HTR3B: variants seen among roughly 807,000 people sequenced by gnomAD.
The protein encoded by HTR3B is 5-hydroxytryptamine receptor 3B.
A neutral mutation model predicts 42.8 loss-of-function variants in HTR3B; 44 were observed. That is an observed-to-expected ratio of 1.03 (90% CI 0.81 to 1.32). The LOEUF is 1.32. HTR3B is among the 40% of genes most tolerant of loss of function. The pLI is 0.00. For missense variants in HTR3B, 527 were observed against 536.5 expected (o/e 0.98, Z 0.17); for synonymous variants, 203 against 209.0 (o/e 0.97, Z 0.25).
intron 3 of HTR3B, 71 bp from the exon 4 acceptor site, chr11:113,931,687 C>A: frequency 1.1e-6 from 1 of 904,784 alleles, no homozygotes; most frequent in Non-Finnish European, 1.8e-6. Context: ...AATCCAAATG[C>A]CTCTTTAGTT....
intron 6 of HTR3B, among the ~76,000 whole-genome samples, chr11:113,938,738 C>T (rs1950110280): frequency 6.6e-6 from 1 of 152,144 alleles, no homozygotes. Flanking sequence ...TTAGTCTAGG[C>T]CTGGCACTGT....
upstream of HTR3B, chr11:113,904,615 G>A: frequency 3.6e-6 from 1 of 275,454 alleles, no homozygotes; most frequent in Non-Finnish European, 6.9e-6. Context: ...CTCCTTAGGG[G>A]CTCCTCTTAG....
At chr11:113,905,099 C>A in intron 1 of HTR3B, 114 bp downstream of exon 1, 1 of 729,712 alleles carries the variant, frequency 1.4e-6, no homozygotes, top group Non-Finnish European at 2.3e-6. Flanking sequence ...TTTTATTCAT[C>A]GTCTGTAAAA....
At chr11:113,918,906 C>T (rs1264201390) in intron 2 of HTR3B, among the ~76,000 whole-genome samples, 4 of 152,092 alleles carry the variant, frequency 2.6e-5, no homozygotes, top group Non-Finnish European at 5.9e-5. Context: ...ATCTGCCTGT[C>T]TTGGCCTCCG....
At chr11:113,938,210 A>G (rs1186555314) in intron 6 of HTR3B, among the ~76,000 whole-genome samples, 1 of 152,190 alleles carries the variant, frequency 6.6e-6, no homozygotes, top group Non-Finnish European at 1.5e-5. Context: ...TCCAGGAAAT[A>G]CATGAATTCT....
At chr11:113,914,863 A>C (rs975445226) in intron 2 of HTR3B, among the ~76,000 whole-genome samples, 1 of 152,170 alleles carries the variant, frequency 6.6e-6, no homozygotes, top group African/African-American at 2.4e-5. Context: ...TTTACCAGTA[A>C]AACTATAGGG....
intron 2 of HTR3B, among the ~76,000 whole-genome samples, chr11:113,928,929 G>A (rs1486314343): frequency 6.6e-6 from 1 of 152,138 alleles, no homozygotes; most frequent in South Asian, 2.1e-4. Context: ...TGGACACTTG[G>A]GTTGATTCTA....
rs1949748978 is a variant in HTR3B at position 113,908,254 on chromosome 11, A to G, written c.53-1041A>G. ...CTGTAGCGGCAAGTGACATGACATC[A>G]TTCATAAAGAAATGGGTATAAACAG... On this transcript the variant is annotated intron_variant, in intron 1 of 8. Coordinates refer to ENST00000260191, the MANE Select transcript of HTR3B (RefSeq NM_006028.5). Among the ~76,000 whole-genome samples, 4 of 152,210 alleles carry G rather than the reference A, an allele frequency of 2.6e-5. No individual in the cohort carries two copies. The South Asian group carries it at 8.3e-4, about 31-fold the overall frequency.
chr11:113,903,923 GA>G (rs1273174227), upstream of HTR3B, among the ~76,000 whole-genome samples: 1 of 152,080 alleles, frequency 6.6e-6, no homozygotes, highest in Non-Finnish European at 1.5e-5. Context: ...GAACTTCATG[GA>G]TTCTAAACAA....
intron 2 of HTR3B, among the ~76,000 whole-genome samples, chr11:113,919,877 C>A (rs537485529): frequency 6.6e-6 from 1 of 151,566 alleles, no homozygotes. Flanking sequence ...AAAAAGAGTA[C>A]AAGGTTTAAA....
chr11:113,905,399 C>T (rs947271228), intron 1 of HTR3B, among the ~76,000 whole-genome samples: 2 of 151,966 alleles, frequency 1.3e-5, no homozygotes, highest in Admixed American at 1.3e-4. Context: ...GTTAGCAGCC[C>T]AGAGAAAAAG....
In HTR3B at chr11:113,943,048, C is replaced by G; in HGVS notation, c.763C>G (p.Leu255Val). ...GCTGATTCCTAGCATCTTTCTCATG[C>G]TGGTGGACCTGGGGAGCTTCTACCT... ...SLLIPSIFLM[L>V]VDLGSFYLPP... is the part of the protein sequence containing the mutation. Residue 255 changes from leucine to valine, a missense_variant, in exon 7 of 9, where the codon CTG (leucine) becomes GTG (valine). Leu to Val is a conservative substitution (Grantham distance 32). Transcript: ENST00000260191. 2 of 1,614,050 alleles carry G rather than the reference C, an allele frequency of 1.2e-6. No individual in the cohort carries two copies. The highest frequency in any genetic ancestry group is 1.7e-6 in the Non-Finnish European group (2 of 1,180,016).
chr11:113,932,418 C>T lies in HTR3B; in HGVS notation c.498C>T (p.Val166=), dbSNP rs1325794365. Residue 166 remains valine, a synonymous_variant, in exon 5 of 9, where the codon GTC becomes GTT. Transcript: ENST00000260191. ...SLETYAFPFD[V]QNCSLTFKSI... ...AGACATATGCTTTTCCATTTGATGT[C>T]CAGAATTGCAGCCTGACCTTCAAGA... 4 of 1,614,060 alleles carry T rather than the reference C, an allele frequency of 2.5e-6. No individual in the cohort carries two copies. In the South Asian group the frequency reaches 4.4e-5, roughly 18 times the overall value.
chr11:113,937,267 G>C (rs1950099125), intron 6 of HTR3B, among the ~76,000 whole-genome samples: 1 of 152,154 alleles, frequency 6.6e-6, no homozygotes. Context: ...CAGAAAGACT[G>C]ACCTCAAGAG....
At chr11:113,939,109 G>T (rs1335705222) in intron 6 of HTR3B, among the ~76,000 whole-genome samples, 1 of 152,186 alleles carries the variant, frequency 6.6e-6, no homozygotes, top group African/African-American at 2.4e-5. Flanking sequence ...TATTTTGTGT[G>T]TCTTAGAAAT....
chr11:113,932,968 C>G lies in HTR3B; in HGVS notation c.571C>G (p.Pro191Ala), dbSNP rs769131949. 3.7e-6 allele frequency: 6 copies of G among 1,613,958 alleles called. No homozygotes were observed. Among genetic ancestry groups the G allele is most frequent in the Non-Finnish European group, 5.1e-6 (6 of 1,179,982 alleles). Residue 191 changes from proline to alanine, a missense_variant, in exon 6 of 9, where the codon CCA becomes GCA. Transcript: ENST00000260191. ...CGTAGACCTGGCCTTTCTGAGGAGC[C>G]CAGAAGACATTCAGCATGACAAAAA... ...EDVDLAFLRS[P>A]EDIQHDKKAF...
Position 113,942,982 on chromosome 11 carries a change from G to A in HTR3B, c.697G>A (p.Val233Met). Residue 233 changes from valine to methionine, a missense_variant and splice_region_variant, in exon 7 of 9, where the codon GTG becomes ATG. Coordinates refer to ENST00000260191, the MANE Select transcript of HTR3B (RefSeq NM_006028.5). ...CATCAGACCACTTGTTCCCGGCCAG[G>A]TGGTGATGCGCAGGCACCCCCTGGT... The part of the protein sequence containing the change: ...AGGFAQIQFN[V>M]VMRRHPLVYV... 1 of 1,613,996 alleles carries A rather than the reference G, an allele frequency of 6.2e-7. No homozygotes were observed.
intron 2 of HTR3B, among the ~76,000 whole-genome samples, chr11:113,913,355 T>A (rs1949816027): frequency 1.1e-5 from 1 of 91,890 alleles, no homozygotes; most frequent in Admixed American, 1.4e-4. Flanking sequence ...GGCTAATTTT[T>A]TTTTTTTTTT....
chr11:113,933,165 A>T, intron 6 of HTR3B, 72 bp downstream of exon 6: 17 of 1,462,396 alleles, frequency 1.2e-5, no homozygotes, highest in Non-Finnish European at 1.6e-5. Flanking sequence ...GGGCCAAGGA[A>T]TTTCTGCTCT....
Sources: gnomAD v4.1 joint callset for allele counts (sites outside exome capture counted in the v4.1 genomes callset) on GRCh38, gnomAD v4.1.1 for gene constraint, MANE v1.5 for transcripts, NCBI Gene and HGNC (gene_info 2026-07-23, HGNC 2026-07-21) for gene names.